MAN1C1: variants seen among roughly 807,000 people sequenced by gnomAD.
MAN1C1 encodes mannosidase alpha class 1C member 1.
A neutral mutation model predicts 71.5 loss-of-function variants in MAN1C1; 49 were observed. The ratio of observed to expected loss-of-function variants is 0.69; its 90% CI spans 0.54 to 0.87. The LOEUF (loss-of-function observed/expected upper bound fraction) is 0.87. Among genes scored for constraint, MAN1C1 ranks in the 40% least tolerant of loss-of-function variants. MAN1C1 has a pLI of 0.00. For synonymous variants in MAN1C1, 352 were observed against 343.7 expected, an observed-to-expected ratio of 1.02 and a Z score of -0.27; for missense variants, 743 against 835.0, an observed-to-expected ratio of 0.89 and a Z score of 1.36.
chr1:25,675,393 A>C (rs910802180), intron 1 of MAN1C1, among the ~76,000 whole-genome samples: 4 of 152,136 alleles, frequency 2.6e-5, no homozygotes, highest in Non-Finnish European at 5.9e-5. Flanking sequence ...AGCTCCTTCT[A>C]AGTTGCTGCA....
intron 2 of MAN1C1, among the ~76,000 whole-genome samples, chr1:25,729,471 TTTC>T (rs2046880200): frequency 6.6e-6 from 1 of 150,774 alleles, no homozygotes; most frequent in South Asian, 2.1e-4. Context: ...CCATTTTCTT[TTTC>T]TTCTTTTTTT....
intron 1 of MAN1C1, among the ~76,000 whole-genome samples, chr1:25,683,033 AT>A: frequency 6.7e-6 from 1 of 149,244 alleles, no homozygotes; most frequent in Middle Eastern, 3.4e-3. Context: ...GTGAGACTCC[AT>A]CTCAAAAAAA....
intron 2 of MAN1C1, among the ~76,000 whole-genome samples, chr1:25,705,091 A>T (rs767591978): frequency 4.0e-4 from 61 of 152,270 alleles, no homozygotes; most frequent in Non-Finnish European, 7.2e-4. Flanking sequence ...CCTTAAAATT[A>T]CTCGATCCGT....
At chr1:25,646,567 A>G (rs553473592) in intron 1 of MAN1C1, 3 of 152,218 alleles carry the variant, frequency 2.0e-5, no homozygotes, top group African/African-American at 2.4e-5. Flanking sequence ...TGTCTCCCCA[A>G]ATGGAAAACC....
At position 25,769,122 on chromosome 1, in the gene MAN1C1, A is replaced by C; in HGVS notation, c.1142-2535A>C. On this transcript the variant is annotated intron_variant, in intron 7 of 11. Coordinates refer to ENST00000374332, the MANE Select transcript of MAN1C1 (RefSeq NM_020379.4). The surrounding 1 kb of genome is among the most constrained non-coding windows in gnomAD (Gnocchi z 4.8). ...ACTCCCTCCCACACACACACCACAC[A>C]CTCCCTTCACACACTACACACTCCC... Among the ~76,000 whole-genome samples the C allele has an allele frequency of 2.0e-5, 2 of 99,304 alleles. No homozygotes were observed. Among genetic ancestry groups the C allele is most frequent in the Non-Finnish European group, 4.2e-5 (2 of 48,118 alleles). 65.1% of individuals were successfully genotyped at this position (99,304 alleles called of 152,430 possible). A position where few individuals can be genotyped will look rare whatever the true frequency, so the allele number is the denominator to read the frequency against.
chr1:25,704,482 T>C (rs1426260041), intron 2 of MAN1C1, among the ~76,000 whole-genome samples: 1 of 152,252 alleles, frequency 6.6e-6, no homozygotes, highest in Admixed American at 6.5e-5. Flanking sequence ...TGGGCATCAC[T>C]TGGCAGCGTG....
chr1:25,636,272 G>A (rs2045458638), intron 1 of MAN1C1, among the ~76,000 whole-genome samples: 1 of 152,156 alleles, frequency 6.6e-6, no homozygotes, highest in African/African-American at 2.4e-5. Flanking sequence ...AAATTTACCA[G>A]GGCAGAGTTT....
In MAN1C1 at chr1:25,617,902, G is replaced by C. The variant is rs2045130395; in HGVS notation, c.105G>C (p.Leu35=). The change falls in exon 1 of 12, where the codon CTG becomes CTC. Residue 35 remains leucine, a synonymous_variant. Coordinates refer to ENST00000374332, the MANE Select transcript of MAN1C1 (RefSeq NM_020379.4). This position sits in a 1 kb window ranked among gnomAD's most constrained non-coding sequence, Gnocchi z 5.1. ...TCTTCCTCTCGGGCCTGGTCACCCT[G>C]TGCTTCGGGGCCCTCTTCCTGCTGC... ...FLLFLSGLVT[L]CFGALFLLPH... is the part of the protein sequence containing the mutation. The C allele has an allele frequency of 6.2e-7, 1 of 1,608,094 alleles. No individual in the cohort carries two copies. Among genetic ancestry groups the C allele is most frequent in the Admixed American group, 1.7e-5 (1 of 59,466 alleles).
intron 1 of MAN1C1, among the ~76,000 whole-genome samples, chr1:25,644,206 A>T (rs1012348050): frequency 6.6e-6 from 1 of 152,064 alleles, no homozygotes; most frequent in African/African-American, 2.4e-5. Context: ...TTTCAGGAGA[A>T]TGTGGGCAAT....
chr1:25,665,376 G>A (rs2045907305), intron 1 of MAN1C1, among the ~76,000 whole-genome samples: 1 of 152,052 alleles, frequency 6.6e-6, no homozygotes, highest in South Asian at 2.1e-4. Context: ...AATCTATGGG[G>A]TGAAAAATGG....
intron 1 of MAN1C1, among the ~76,000 whole-genome samples, chr1:25,652,496 G>A (rs1314514424): frequency 1.3e-5 from 2 of 152,204 alleles, no homozygotes; most frequent in African/African-American, 2.4e-5. Flanking sequence ...ACCCGCTCAG[G>A]CATGGGGCCG....
intron 1 of MAN1C1, among the ~76,000 whole-genome samples, chr1:25,673,916 A>G (rs982773966): frequency 6.6e-6 from 1 of 152,250 alleles, no homozygotes; most frequent in Non-Finnish European, 1.5e-5. Flanking sequence ...ACACTTGCAC[A>G]TGGGCAGGTT....
chr1:25,777,963 T>C (rs1332068483), intron 8 of MAN1C1, 142 bp from the exon 9 acceptor site: 2 of 630,708 alleles, frequency 3.2e-6, no homozygotes, highest in African/African-American at 1.9e-5. Flanking sequence ...CAGAGATCAA[T>C]GGGCCTCCTT....
intron 1 of MAN1C1, among the ~76,000 whole-genome samples, chr1:25,661,365 CAG>C (rs1370474065): frequency 6.6e-6 from 1 of 152,234 alleles, no homozygotes. Context: ...ATGAACAAGA[CAG>C]ACCCAAAATA....
intron 1 of MAN1C1, among the ~76,000 whole-genome samples, chr1:25,621,515 A>G (rs1402923136): frequency 1.3e-5 from 2 of 152,162 alleles, no homozygotes; most frequent in South Asian, 2.1e-4. Context: ...TGTCTCACAC[A>G]TGGGAATGTA....
chr1:25,733,400 C>T (rs2046937081), intron 2 of MAN1C1, among the ~76,000 whole-genome samples: 1 of 152,114 alleles, frequency 6.6e-6, no homozygotes, highest in East Asian at 1.9e-4. Flanking sequence ...ACTACTTTCC[C>T]CCTTTCCCGC....
rs1486593152 is a variant in MAN1C1 at position 25,730,951 on chromosome 1, G to A, written c.638-15717G>A. Among the ~76,000 whole-genome samples, 2 of 152,172 alleles carry A rather than the reference G, an allele frequency of 1.3e-5. No individual in the cohort carries two copies. The highest frequency in any genetic ancestry group is 3.9e-4 in the East Asian group (2 of 5,194). On this transcript the variant is annotated intron_variant, in intron 2 of 11. Coordinates refer to ENST00000374332, the MANE Select transcript of MAN1C1 (RefSeq NM_020379.4). The surrounding 1 kb of genome is among the most constrained non-coding windows in gnomAD (Gnocchi z 4.3). Reference sequence around the variant, plus strand: ...GTCATTTGGCTGTGGTCACAGGCTGGTAAGCCACAGAGCCAAGGCACATGG... The same window carrying A: ...GTCATTTGGCTGTGGTCACAGGCTGATAAGCCACAGAGCCAAGGCACATGG...
chr1:25,698,349 TC>T (rs1044141046), intron 2 of MAN1C1, among the ~76,000 whole-genome samples: 28 of 152,316 alleles, frequency 1.8e-4, no homozygotes, highest in African/African-American at 6.3e-4. Flanking sequence ...GGATCACGTT[TC>T]CTTTCTTAGC....
intron 1 of MAN1C1, among the ~76,000 whole-genome samples, chr1:25,679,148 G>C (rs966988933): frequency 6.6e-6 from 1 of 152,166 alleles, no homozygotes; most frequent in African/African-American, 2.4e-5. Flanking sequence ...AGAAGGGAGT[G>C]ACCCAGAAGT....
Sources: gnomAD v4.1 joint callset for allele counts (sites outside exome capture counted in the v4.1 genomes callset) on GRCh38, gnomAD v4.1.1 for gene constraint, Gnocchi (gnomAD v3.1) non-coding constraint, MANE v1.5 for transcripts, NCBI Gene and HGNC (gene_info 2026-07-23, HGNC 2026-07-21) for gene names.